The following CREB5 variants were observed in gnomAD, a reference collection of about 807,000 sequenced individuals.
CREB5 encodes cyclic AMP-responsive element-binding protein 5.
CREB5 carries 19 observed loss-of-function variants against 57.1 expected under a neutral mutation model. That is an observed-to-expected ratio of 0.33 (90% confidence interval 0.23 to 0.49). The LOEUF (loss-of-function observed/expected upper bound fraction) is 0.49. Ranked by LOEUF, CREB5 falls within the 20% of genes least tolerant of loss-of-function variation. The probability of loss-of-function intolerance (pLI) is 0.99; values close to 1 mark genes in which losing one functional copy is unlikely to be tolerated. For missense variants in CREB5, 579 were observed against 671.6 expected (o/e 0.86, Z 1.52); for synonymous variants, 238 against 238.3 (o/e 1.00, Z 0.01).
chr7:28,408,657 C>T (rs1177797462), upstream of CREB5, among the ~76,000 whole-genome samples: 1 of 152,208 alleles, frequency 6.6e-6, no homozygotes, highest in Non-Finnish European at 1.5e-5. Context: ...AGGAGCAACT[C>T]TCCCTACAGC....
At chr7:28,519,745 G>A (rs1400674682) in intron 4 of CREB5, among the ~76,000 whole-genome samples, 1 of 152,108 alleles carries the variant, frequency 6.6e-6, no homozygotes, top group Non-Finnish European at 1.5e-5. Context: ...ACAATGTACT[G>A]GTGTATTTCG....
At chr7:28,369,218 A>G (rs756546809) in intron 1 of CREB5, among the ~76,000 whole-genome samples, 1 of 152,216 alleles carries the variant, frequency 6.6e-6, no homozygotes, top group Non-Finnish European at 1.5e-5. Context: ...TGTTGAATAG[A>G]CGCAGAAATT....
intron 2 of CREB5, among the ~76,000 whole-genome samples, chr7:28,493,301 T>G (rs949943727): frequency 6.6e-6 from 1 of 152,222 alleles, no homozygotes; most frequent in African/African-American, 2.4e-5. Flanking sequence ...CATTTGACAT[T>G]GATAAAGCGG....
chr7:28,750,406 T>C (rs1340503190), intron 7 of CREB5, among the ~76,000 whole-genome samples: 1 of 152,232 alleles, frequency 6.6e-6, no homozygotes, highest in East Asian at 1.9e-4. Flanking sequence ...GAGCTTTATA[T>C]GAAATGGCAT....
intron 5 of CREB5, among the ~76,000 whole-genome samples, chr7:28,606,523 A>G (rs1222869648): frequency 6.6e-6 from 1 of 152,204 alleles, no homozygotes; most frequent in African/African-American, 2.4e-5. Flanking sequence ...CTCAGCAGTC[A>G]GAAGTGGCTC....
chr7:28,434,137 G>A (rs954558998), intron 1 of CREB5, among the ~76,000 whole-genome samples: 1 of 152,008 alleles, frequency 6.6e-6, no homozygotes, highest in South Asian at 2.1e-4. Context: ...AGGGCTTGGG[G>A]GCTCAGGAAT....
chr7:28,560,901 C>CGT (rs1368518820), intron 4 of CREB5, among the ~76,000 whole-genome samples: 888 of 21,586 alleles, frequency 0.041, 94 homozygotes, highest in Non-Finnish European at 0.049. Context: ...TGTGTGCGTG[C>CGT]GCGCGTGCGT....
chr7:28,575,991 G>T (rs1242185542), intron 5 of CREB5, among the ~76,000 whole-genome samples: 1 of 152,200 alleles, frequency 6.6e-6, no homozygotes, highest in African/African-American at 2.4e-5. Context: ...ACATGGTATT[G>T]TGGTCAGATG....
chr7:28,346,358 C>T (rs909861809), intron 1 of CREB5, among the ~76,000 whole-genome samples: 6 of 152,190 alleles, frequency 3.9e-5, no homozygotes, highest in Non-Finnish European at 7.3e-5. Flanking sequence ...TTACTGTATC[C>T]TCACATGGGA....
chr7:28,790,428 A>AAGAGAGAGAGAGAGAG (rs370615013), intron 7 of CREB5, among the ~76,000 whole-genome samples: 32 of 115,786 alleles, frequency 2.8e-4, no homozygotes, highest in Non-Finnish European at 3.6e-4. Flanking sequence ...GAAAGAAAGA[A>AAGAGAGAGAGAGAGAG]AGAGAGAGAG....
intron 1 of CREB5, among the ~76,000 whole-genome samples, chr7:28,372,144 C>T (rs959789233): frequency 3.3e-5 from 5 of 152,256 alleles, no homozygotes; most frequent in African/African-American, 1.2e-4. Flanking sequence ...AGTTAATTCT[C>T]ACGGCAACTC....
chr7:28,478,726 T>G (rs1791190417), intron 1 of CREB5, among the ~76,000 whole-genome samples: 1 of 152,196 alleles, frequency 6.6e-6, no homozygotes, highest in Non-Finnish European at 1.5e-5. Flanking sequence ...TTGCTACTGT[T>G]GAGTCAACAC....
At chr7:28,679,175 C>T (rs1800473090) in intron 5 of CREB5, among the ~76,000 whole-genome samples, 1 of 150,410 alleles carries the variant, frequency 6.6e-6, no homozygotes, top group African/African-American at 2.4e-5. Context: ...TGTGGAATTG[C>T]AAAGTGCTGA....
chr7:28,550,786 G>T (rs1052651749), intron 4 of CREB5, among the ~76,000 whole-genome samples: 6 of 152,140 alleles, frequency 3.9e-5, no homozygotes, highest in African/African-American at 7.2e-5. Context: ...TGGTGAATGC[G>T]CTATTAAGGG....
chr7:28,344,436 T>G (rs369882004), intron 1 of CREB5, among the ~76,000 whole-genome samples: 6 of 152,222 alleles, frequency 3.9e-5, no homozygotes, highest in African/African-American at 1.4e-4. Flanking sequence ...TCTTGGTCCC[T>G]TTGTTGAAAA....
At chr7:28,678,270 C>A (rs1163496344) in intron 5 of CREB5, among the ~76,000 whole-genome samples, 3 of 151,848 alleles carry the variant, frequency 2.0e-5, no homozygotes, top group African/African-American at 7.3e-5. Context: ...CGCCTGTAGC[C>A]CCAGGCACTT....
intron 1 of CREB5, among the ~76,000 whole-genome samples, chr7:28,384,360 A>G (rs1293657975): frequency 1.3e-5 from 2 of 152,158 alleles, no homozygotes; most frequent in African/African-American, 4.8e-5. Flanking sequence ...TGTCTTTTGA[A>G]TAGTGTCTGT....
At chr7:28,678,995 C>G (rs1800460954) in intron 5 of CREB5, among the ~76,000 whole-genome samples, 1 of 149,638 alleles carries the variant, frequency 6.7e-6, no homozygotes, top group Admixed American at 6.7e-5. Flanking sequence ...TTTAAGCTTG[C>G]CTTTTTATTT....
chr7:28,302,986 G>A (rs1408223182), intron 1 of CREB5, among the ~76,000 whole-genome samples: 2 of 152,076 alleles, frequency 1.3e-5, no homozygotes, highest in Non-Finnish European at 2.9e-5. Flanking sequence ...AGAAAATTCA[G>A]AGCATAGGTC....
Sources: allele counts gnomAD v4.1 joint callset (sites outside exome capture counted in the v4.1 genomes callset), GRCh38; gene constraint gnomAD v4.1.1; transcripts MANE v1.5; gene names NCBI Gene and HGNC (gene_info 2026-07-23, HGNC 2026-07-21).